The following WDR81 variants were observed in gnomAD, a reference collection of about 807,000 sequenced individuals.
WDR81 encodes the protein WD repeat-containing protein 81.
In WDR81, 92 loss-of-function variants were observed where a neutral mutation model predicts 140.8. The observed-to-expected ratio is 0.65, with a 90% CI of 0.55 to 0.78. The LOEUF (loss-of-function observed/expected upper bound fraction) is 0.78, where lower values mean the gene tolerates loss of function less well. Ranked by LOEUF, WDR81 falls within the 30% of genes least tolerant of loss-of-function variation. WDR81 has a pLI of 0.00. For synonymous variants in WDR81, 1,183 were observed against 1,156.4 expected, an observed-to-expected ratio of 1.02 and a Z score of -0.47; for missense variants, 2,502 against 2,636.4, an observed-to-expected ratio of 0.95 and a Z score of 1.12.
At chr17:1,722,346 TC>T (rs368556217), upstream of WDR81, among the ~76,000 whole-genome samples, 1 of 147,358 alleles carries the variant, frequency 6.8e-6, no homozygotes, top group African/African-American at 2.5e-5. Context: ...GTTTTCTCTC[TC>T]TTTTTTTTTT....
intron 6 of WDR81, among the ~76,000 whole-genome samples, chr17:1,733,318 G>A (rs1286207543): frequency 2.0e-5 from 3 of 152,206 alleles, no homozygotes; most frequent in African/African-American, 2.4e-5. Context: ...AGCACGGCAC[G>A]GCACATATAG....
intron 1 of WDR81, among the ~76,000 whole-genome samples, chr17:1,730,003 A>AAAAAAGAAGAAG (rs1555563756): frequency 1.4e-5 from 2 of 145,046 alleles, no homozygotes; most frequent in Non-Finnish European, 1.5e-5. Context: ...AAAAAAAAAA[A>AAAAAAGAAGAAG]AAGAAGAAGA....
At position 1,725,957 on chromosome 17, in the gene WDR81, G is replaced by T; in HGVS notation, c.998G>T (p.Gly333Val). 1 of 1,550,658 alleles carries T rather than the reference G, an allele frequency of 6.4e-7. No homozygotes were observed. Among genetic ancestry groups the T allele is most frequent in the Non-Finnish European group, 8.7e-7 (1 of 1,146,900 alleles). Residue 333 changes from glycine (G) to valine (V), a missense_variant, in exon 1 of 10, where the codon GGA becomes GTA. Physicochemically the swap from Gly to Val is moderately radical, Grantham distance 109. This residue lies in a region of WDR81 where 547 missense variants were observed against 513.8 expected (regional missense o/e 1.06). Coordinates refer to ENST00000409644, the MANE Select transcript of WDR81 (RefSeq NM_001163809.2). ...EAGIVSQEEQ[G>V]GQPGQPTGQE... is the part of the protein sequence containing the mutation. ...GGCATTGTGTCTCAAGAGGAGCAGG[G>T]AGGGCAACCTGGGCAACCCACTGGC...
In WDR81 at chr17:1,731,091, C is replaced by T. The variant is rs1029192656; in HGVS notation, c.3990C>T (p.Gly1330=). ...SYLVAPGSAS[G]PSRLNSRKEA... ...AGGTGGCCCCAGGGAGTGCCTCAGGCCCCAGCCGACTGAACAGCCGTAAGG... is the reference window on the plus strand; with the variant it reads ...AGGTGGCCCCAGGGAGTGCCTCAGGTCCCAGCCGACTGAACAGCCGTAAGG... Residue 1330 remains glycine (G), a synonymous_variant, in exon 4 of 10, where the codon GGC becomes GGT. Transcript: ENST00000409644. 1.2e-6 allele frequency: 2 copies of T among 1,612,604 alleles called. No homozygotes were observed. The highest frequency in any genetic ancestry group is 8.5e-7 in the Non-Finnish European group (1 of 1,179,810).
chr17:1,727,686 G>A lies in WDR81; in HGVS notation c.2727G>A (p.Leu909=). The A allele has an allele frequency of 6.4e-7, 1 of 1,550,524 alleles. No individual in the cohort carries two copies. Among genetic ancestry groups the A allele is most frequent in the Non-Finnish European group, 8.7e-7 (1 of 1,147,000 alleles). The change falls in exon 1 of 10, where the codon CTG becomes CTA. Residue 909 remains leucine (L), a synonymous_variant. Coordinates refer to ENST00000409644, the MANE Select transcript of WDR81 (RefSeq NM_001163809.2). ...TGGTGTTTGCTCTGTGGCAGCAGCT[G>A]GGCGCGGTGCTGAAGGACATCACCC... ...RELVFALWQQ[L]GAVLKDITPE... is the part of the protein sequence containing the mutation.
At chr17:1,732,566 A>ATAG in intron 5 of WDR81, 76 bp downstream of exon 5, 1 of 1,581,522 alleles carries the variant, frequency 6.3e-7, no homozygotes, top group Non-Finnish European at 8.6e-7. Flanking sequence ...CATCTTGCTC[A>ATAG]TAGGATCTGA....
intron 7 of WDR81, 126 bp downstream of exon 7, chr17:1,734,342 G>C: frequency 8.6e-7 from 1 of 1,167,882 alleles, no homozygotes; most frequent in South Asian, 1.6e-5. Flanking sequence ...GGCCGCCTAG[G>C]AGAACAGTTA....
In WDR81 at chr17:1,734,062, G is replaced by A; in HGVS notation, c.5025G>A (p.Trp1675Ter). 6.2e-7 allele frequency: 1 copy of A among 1,607,456 alleles called. No individual in the cohort carries two copies. The highest frequency in any genetic ancestry group is 1.1e-5 in the South Asian group (1 of 91,072). ...GCAAGGATCGTACCGTGCGCCTCTG[G>A]CCGCTGTACAACTACGGCGACGGGA... ...SGSKDRTVRL[W>*]PLYNYGDGTS... The change falls in exon 7 of 10, where the codon TGG becomes TGA. Residue 1675 changes from tryptophan (W) to a stop codon, truncating the protein, a stop_gained. Coordinates refer to ENST00000409644, the MANE Select transcript of WDR81 (RefSeq NM_001163809.2). LOFTEE classifies it high-confidence loss of function.
Position 1,725,472 on chromosome 17 carries a change from C to A in WDR81, c.513C>A (p.Val171=). ...GTCACAGCCCTGCCCCCTCAGCTGTCCCTGCCTTGGACTCAGTACGGCAGG... is the reference window on the plus strand; with the variant it reads ...GTCACAGCCCTGCCCCCTCAGCTGTACCTGCCTTGGACTCAGTACGGCAGG... The part of the protein sequence containing the change: ...PYSHSPAPSA[V]PALDSVRQAL... The change falls in exon 1 of 10, where the codon GTC becomes GTA. Residue 171 remains valine (V), a synonymous_variant. Coordinates refer to ENST00000409644, the MANE Select transcript of WDR81 (RefSeq NM_001163809.2). The A allele has an allele frequency of 6.5e-7, 1 of 1,548,822 alleles. No individual in the cohort carries two copies.
chr17:1,718,573 G>A (rs1486011654), intron 1 of WDR81, among the ~76,000 whole-genome samples: 1 of 152,238 alleles, frequency 6.6e-6, no homozygotes, highest in South Asian at 2.1e-4. Flanking sequence ...GGCCCCAGAA[G>A]CCAGCGTCTT....
chr17:1,737,469 C>A lies in WDR81; in HGVS notation c.5610C>A (p.Asp1870Glu). ...CCCATCACTACAAGTCAGCATCCGACCCCATCCACACCTTTGACCTGTACG... is the reference window on the plus strand; with the variant it reads ...CCCATCACTACAAGTCAGCATCCGAACCCATCCACACCTTTGACCTGTACG... ...KPTHHYKSAS[D>E]PIHTFDLYGS... Residue 1870 changes from aspartate (D) to glutamate (E), a missense_variant, in exon 10 of 10, where the codon GAC becomes GAA. Around this residue, in one of 3 missense-constraint regions of WDR81, gnomAD observed 1,737 missense variants for 1,843.0 expected, o/e 0.94. Transcript: ENST00000409644. 6.2e-7 allele frequency: 1 copy of A among 1,613,254 alleles called. No homozygotes were observed. Among genetic ancestry groups the A allele is most frequent in the Non-Finnish European group, 8.5e-7 (1 of 1,179,994 alleles).
rs1294173923 is a variant in WDR81, at chr17:1,727,706, TCAC to T, written c.2749_2751del (p.Thr917del). On this transcript the variant is annotated inframe_deletion, in exon 1 of 10. Transcript: ENST00000409644. ...CAGCTGGGCGCGGTGCTGAAGGACA[TCAC>T]CCCTGAGGGCCTGGAGATCCTGCTG... 2.9e-5 allele frequency: 45 copies of T among 1,550,392 alleles called. No individual in the cohort carries two copies. The highest frequency in any genetic ancestry group is 3.9e-5 in the Non-Finnish European group (45 of 1,146,998).
intron 5 of WDR81, 62 bp from the exon 6 acceptor site, chr17:1,732,604 A>T: frequency 6.4e-7 from 1 of 1,563,240 alleles, no homozygotes; most frequent in Non-Finnish European, 8.7e-7. Flanking sequence ...CGTGGCGAGG[A>T]CCAGGGTGGG....
At chr17:1,737,189 C>T (rs1597307735) in intron 9 of WDR81, among the ~76,000 whole-genome samples, 176 bp from the exon 10 acceptor site, 2 of 152,130 alleles carry the variant, frequency 1.3e-5, no homozygotes, top group Admixed American at 6.5e-5. Context: ...GGATGCTGAG[C>T]GTATTAAAAT....
upstream of WDR81, among the ~76,000 whole-genome samples, chr17:1,722,107 G>A (rs1177696034): frequency 6.6e-6 from 1 of 151,882 alleles, no homozygotes; most frequent in Non-Finnish European, 1.5e-5. Flanking sequence ...TGGGCAACAA[G>A]AGCGAAACTC....
chr17:1,725,965 C>G lies in WDR81; in HGVS notation c.1006C>G (p.Pro336Ala). 3 of 1,550,480 alleles carry G rather than the reference C, an allele frequency of 1.9e-6. No homozygotes were observed. Among genetic ancestry groups the G allele is most frequent in the Non-Finnish European group, 2.6e-6 (3 of 1,146,824 alleles). ...IVSQEEQGGQ[P>A]GQPTGQEELR... ...GTCTCAAGAGGAGCAGGGAGGGCAA[C>G]CTGGGCAACCCACTGGCCAGGAGGA... is the stretch of plus-strand genomic sequence containing the variant. The change falls in exon 1 of 10, where the codon CCT becomes GCT. Residue 336 changes from proline (P) to alanine (A), a missense_variant. Transcript: ENST00000409644.
In WDR81 at chr17:1,733,897, C is replaced by T. The variant is rs758596563; in HGVS notation, c.4860C>T (p.Tyr1620=). The change falls in exon 7 of 10, where the codon TAC becomes TAT. Residue 1620 remains tyrosine, a synonymous_variant. Transcript: ENST00000409644. ...VHGLSGNWLA[Y]WQYEIGVSQQ... ...GGCTGAGCGGAAACTGGCTGGCGTA[C>T]TGGCAGTACGAGATCGGCGTGAGCC... is the stretch of plus-strand genomic sequence containing the variant. The T allele has an allele frequency of 2.5e-6, 4 of 1,612,742 alleles. No individual in the cohort carries two copies. The highest frequency in any genetic ancestry group is 3.3e-5 in the Admixed American group (2 of 60,028).
At chr17:1,736,262 C>G in intron 9 of WDR81, 44 bp downstream of exon 9, 1 of 1,568,848 alleles carries the variant, frequency 6.4e-7, no homozygotes, top group South Asian at 1.2e-5. Context: ...AACCCCCGCC[C>G]CTGTCCAGCC....
In WDR81 at chr17:1,728,287, G is replaced by A. The variant is rs775038901; in HGVS notation, c.3328G>A (p.Asp1110Asn). 2 of 1,612,804 alleles carry A rather than the reference G, an allele frequency of 1.2e-6. No homozygotes were observed. Among genetic ancestry groups the A allele is most frequent in the South Asian group, 1.1e-5 (1 of 91,070 alleles). The change falls in exon 1 of 10, where the codon GAC becomes AAC. Residue 1110 changes from aspartate to asparagine, a missense_variant. Coordinates refer to ENST00000409644, the MANE Select transcript of WDR81 (RefSeq NM_001163809.2). ...AEAVSLGRLS[D>N]KSSTSETSLG... ...GGCTGTGAGCCTGGGCCGGCTGAGT[G>A]ACAAGAGCAGCACCAGCGAGACCTC...
Sources: allele counts gnomAD v4.1 joint callset (sites outside exome capture counted in the v4.1 genomes callset), GRCh38; gene constraint gnomAD v4.1.1; regional missense constraint gnomAD v4.1.1; transcripts MANE v1.5; gene names NCBI Gene and HGNC (gene_info 2026-07-23, HGNC 2026-07-21).